EMP3: variants seen among roughly 807,000 people sequenced by gnomAD.
EMP3 encodes the protein epithelial membrane protein 3.
A neutral mutation model predicts 21.6 loss-of-function variants in EMP3; 15 were observed. That is an observed-to-expected ratio of 0.69 (90% CI 0.46 to 1.07). The LOEUF (loss-of-function observed/expected upper bound fraction) is 1.07, where lower values mean the gene tolerates loss of function less well. EMP3 is among the 50% of genes least tolerant of loss of function. The probability of loss-of-function intolerance (pLI) is 0.00; values close to 1 mark genes in which losing one functional copy is unlikely to be tolerated. For synonymous variants in EMP3, 107 were observed against 86.1 expected, an observed-to-expected ratio of 1.24 and a Z score of -1.34; for missense variants, 183 against 206.6, an observed-to-expected ratio of 0.89 and a Z score of 0.70.
chr19:48,330,226 CT>C, intron 4 of EMP3, 74 bp from the exon 5 acceptor site: 1 of 1,470,300 alleles, frequency 6.8e-7, no homozygotes, highest in Non-Finnish European at 9.0e-7. Context: ...TCCGGCGCTT[CT>C]TTGCCCCCAT....
Position 48,329,433 on chromosome 19 carries a change from T to C in EMP3, c.263T>C (p.Leu88Pro). The C allele has an allele frequency of 6.2e-7, 1 of 1,614,148 alleles. No homozygotes were observed. Among genetic ancestry groups the C allele is most frequent in the South Asian group, 1.1e-5 (1 of 91,080 alleles). The change falls in exon 4 of 5, where the codon CTC (leucine) becomes CCC (proline). Residue 88 changes from leucine (L) to proline (P), a missense_variant. By Grantham distance (98) the Leu-to-Pro change is moderately conservative (BLOSUM62 -3). Transcript: ENST00000270221. This position sits in a 1 kb window ranked among gnomAD's most constrained non-coding sequence, Gnocchi z 4.5. ...TCCTTCATCCTGTTCATGTTCCAGC[T>C]CTACACCATGCGACGAGGAGGTCTC... ...CLSFILFMFQ[L>P]YTMRRGGLFY...
chr19:48,327,584 G>C lies in EMP3; in HGVS notation c.142G>C (p.Asp48His). 6.2e-7 allele frequency: 1 copy of C among 1,613,934 alleles called. No homozygotes were observed. The highest frequency in any genetic ancestry group is 1.3e-5 in the African/African-American group (1 of 75,026). ...CTGGTACGACTGCACGTGGAACAACGACACCAAAACATGGGCCTGCAGTAA... is the reference window on the plus strand; with the variant it reads ...CTGGTACGACTGCACGTGGAACAACCACACCAAAACATGGGCCTGCAGTAA... Reference protein sequence around the residue: ...NLWYDCTWNNDTKTWACSNVS... With the variant: ...NLWYDCTWNNHTKTWACSNVS... The change falls in exon 3 of 5, where the codon GAC becomes CAC. Residue 48 changes from aspartate (D) to histidine (H), a missense_variant. Transcript: ENST00000270221.
chr19:48,327,440 C>A, intron 2 of EMP3, 81 bp from the exon 3 acceptor site: 1 of 1,041,596 alleles, frequency 9.6e-7, no homozygotes, highest in South Asian at 1.4e-5. Flanking sequence ...GCCCTTTTCC[C>A]AGCCCTTCCC....
At position 48,330,465 on chromosome 19, in the gene EMP3, G is replaced by T; in HGVS notation, c.487G>T (p.Glu163Ter). ...CATCTACATCCACCTACGGAAGCGG[G>T]AGTGAGCGCCCCGCCTCGCTCGGCT... ...GIIYIHLRKR[E>*] Residue 163 changes from glutamate to a stop codon, truncating the protein, a stop_gained, in exon 5 of 5, where the codon GAG becomes TAG. Transcript: ENST00000270221. LOFTEE classifies it high-confidence loss of function. 6.3e-7 allele frequency: 1 copy of T among 1,579,440 alleles called. No homozygotes were observed. The highest frequency in any genetic ancestry group is 8.6e-7 in the Non-Finnish European group (1 of 1,166,676).
At chr19:48,327,872 A>G (rs916086076) in intron 3 of EMP3, 2 of 461,466 alleles carry the variant, frequency 4.3e-6, no homozygotes, top group Admixed American at 3.6e-5. Context: ...CAGTGGCGCA[A>G]TCTTGGCTCA....
In EMP3 at chr19:48,327,629, G is replaced by T; in HGVS notation, c.181+6G>T. ...CAGTAATGTCAGCGAGAATGGTGAG[G>T]GGTGAGGGCGGCGGGACTGGTCTTC... On this transcript the variant is annotated splice_donor_region_variant and intron_variant, in intron 3 of 4. Transcript: ENST00000270221. The T allele has an allele frequency of 6.2e-7, 1 of 1,612,828 alleles. No homozygotes were observed. Among genetic ancestry groups the T allele is most frequent in the Non-Finnish European group, 8.5e-7 (1 of 1,179,316 alleles).
intron 4 of EMP3, 27 bp from the exon 5 acceptor site, chr19:48,330,274 A>G (rs2147346902): frequency 6.4e-7 from 1 of 1,555,506 alleles, no homozygotes. Context: ...GGGGCACTGC[A>G]TGACGTGTGG....
At position 48,330,163 on chromosome 19, in the gene EMP3, C is replaced by CG. The variant is rs138520439; in HGVS notation, c.323-131dup. 7.2e-3 allele frequency: 9,143 copies of CG among 1,261,172 alleles called. 327 individuals are homozygous for CG. In the African/African-American group the frequency reaches 0.1, roughly 14 times the overall value. The allele number at this position is 1,261,172 out of a possible 1,614,324, so 78.1% of individuals were successfully genotyped here. A position where few individuals can be genotyped will look rare whatever the true frequency, so the allele number is the denominator to read the frequency against. ...CGCGCTACAGTTGCACGGCGCTGGG[C>CG]GGGGGGGAAAGAACCACAACTCCCA... On this transcript the variant is annotated intron_variant, in intron 4 of 4. Transcript: ENST00000270221.
At chr19:48,327,024 C>G (rs1298720857) in intron 2 of EMP3, 102 bp downstream of exon 2, 1 of 1,013,404 alleles carries the variant, frequency 9.9e-7, no homozygotes, top group African/African-American at 1.6e-5. Flanking sequence ...CCTAGTATTT[C>G]TTTTTTATTT....
intron 4 of EMP3, 24 bp from the exon 5 acceptor site, chr19:48,330,277 A>C: frequency 6.4e-7 from 1 of 1,562,274 alleles, no homozygotes; most frequent in African/African-American, 1.4e-5. Context: ...GCACTGCATG[A>C]CGTGTGGTTT....
At position 48,329,416 on chromosome 19, in the gene EMP3, C is replaced by T. The variant is rs780925156; in HGVS notation, c.246C>T (p.Ile82=). ...LSLILCCLSF[I]LFMFQLYTMR... is the part of the protein sequence containing the mutation. ...TCATTCTCTGCTGTCTCTCCTTCAT[C>T]CTGTTCATGTTCCAGCTCTACACCA... The change falls in exon 4 of 5, where the codon ATC becomes ATT. Residue 82 remains isoleucine (I), a synonymous_variant. Transcript: ENST00000270221. The surrounding 1 kb of genome is among the most constrained non-coding windows in gnomAD (Gnocchi z 4.5). 4.3e-6 allele frequency: 7 copies of T among 1,612,968 alleles called. No homozygotes were observed. The highest frequency in any genetic ancestry group is 1.7e-5 in the Admixed American group (1 of 59,914).
rs900787097 is a variant in EMP3 at position 48,330,344 on chromosome 19, C to T, written c.366C>T (p.Ala122=). Residue 122 remains alanine, a synonymous_variant, in exon 5 of 5, where the codon GCC becomes GCT. Coordinates refer to ENST00000270221, the MANE Select transcript of EMP3 (RefSeq NM_001425.3). ...FTGALIYAIH[A]EEILEKHPRG... ...GCGCCTTGATCTATGCCATTCACGC[C>T]GAGGAGATCCTGGAGAAGCACCCGC... The T allele has an allele frequency of 6.2e-7, 1 of 1,606,128 alleles. No individual in the cohort carries two copies. Among genetic ancestry groups the T allele is most frequent in the Non-Finnish European group, 8.5e-7 (1 of 1,176,720 alleles).
intron 1 of EMP3, among the ~76,000 whole-genome samples, chr19:48,326,563 T>C (rs1029183353): frequency 3.3e-5 from 5 of 151,402 alleles, no homozygotes; most frequent in African/African-American, 1.2e-4. Flanking sequence ...TGATCTTGGC[T>C]CATTGCAACC....
At chr19:48,328,181 G>T (rs1040221249) in intron 3 of EMP3, among the ~76,000 whole-genome samples, 3 of 152,010 alleles carry the variant, frequency 2.0e-5, no homozygotes, top group African/African-American at 7.2e-5. Context: ...GGAGGCCAAG[G>T]CGGGTAGATC....
At position 48,330,533 on chromosome 19, in the gene EMP3, A is replaced by C; in HGVS notation, c.*63A>C. On this transcript the variant is annotated 3_prime_UTR_variant, in exon 5 of 5. Coordinates refer to ENST00000270221, the MANE Select transcript of EMP3 (RefSeq NM_001425.3). ...GCCCCCCTCGCCGCGCGTCCTCCAA[A>C]AAATAAAACCTTAACCGCGGGCTCT... The C allele has an allele frequency of 6.9e-7, 1 of 1,446,014 alleles. No homozygotes were observed. Among genetic ancestry groups the C allele is most frequent in the Non-Finnish European group, 9.2e-7 (1 of 1,085,008 alleles). 89.6% of individuals were successfully genotyped at this position (1,446,014 alleles called of 1,614,324 possible).
chr19:48,327,258 C>G (rs773293122), intron 2 of EMP3, among the ~76,000 whole-genome samples: 3 of 152,110 alleles, frequency 2.0e-5, no homozygotes, highest in African/African-American at 4.8e-5. Context: ...TCTCGAACCC[C>G]TGGCCTCAAG....
chr19:48,329,221 A>G lies in EMP3; in HGVS notation c.182-131A>G. The stretch of plus-strand genomic sequence containing the variant: ...CAAGGTCAAAATAAGTGATACATCT[A>G]AGTATCTAGGCTTGTATGGGCCTAA... On this transcript the variant is annotated intron_variant, in intron 3 of 4. Transcript: ENST00000270221. This position sits in a 1 kb window ranked among gnomAD's most constrained non-coding sequence, Gnocchi z 4.5. The G allele has an allele frequency of 9.2e-7, 1 of 1,081,336 alleles. No homozygotes were observed. Among genetic ancestry groups the G allele is most frequent in the South Asian group, 1.6e-5 (1 of 61,964 alleles). 67.0% of individuals were successfully genotyped at this position (1,081,336 alleles called of 1,614,324 possible). A position where few individuals can be genotyped will look rare whatever the true frequency, so the allele number is the denominator to read the frequency against.
chr19:48,329,450 G>A lies in EMP3; in HGVS notation c.280G>A (p.Gly94Arg), dbSNP rs775701122. The change falls in exon 4 of 5, where the codon GGA becomes AGA. Residue 94 changes from glycine (G) to arginine (R), a missense_variant. Transcript: ENST00000270221. The surrounding 1 kb of genome is among the most constrained non-coding windows in gnomAD (Gnocchi z 4.5). ...FMFQLYTMRR[G>R]GLFYATGLCQ... Reference sequence around the variant, plus strand: ...GTTCCAGCTCTACACCATGCGACGAGGAGGTCTCTTCTATGCCACCGGCCT... The same window carrying A: ...GTTCCAGCTCTACACCATGCGACGAAGAGGTCTCTTCTATGCCACCGGCCT... The A allele has an allele frequency of 6.2e-7, 1 of 1,614,126 alleles. No homozygotes were observed. The highest frequency in any genetic ancestry group is 1.1e-5 in the South Asian group (1 of 91,084).
In EMP3 at chr19:48,330,327, A is replaced by G; in HGVS notation, c.349A>G (p.Ile117Val). Residue 117 changes from isoleucine to valine, a missense_variant, in exon 5 of 5, where the codon ATC becomes GTC. Transcript: ENST00000270221. ...CGTGGCGGTGTTTACTGGCGCCTTG[A>G]TCTATGCCATTCACGCCGAGGAGAT... ...TSVAVFTGAL[I>V]YAIHAEEILE... is the part of the protein sequence containing the mutation. The G allele has an allele frequency of 2.5e-6, 4 of 1,602,130 alleles. No individual in the cohort carries two copies. Among genetic ancestry groups the G allele is most frequent in the South Asian group, 2.2e-5 (2 of 90,054 alleles).
Sources: gnomAD v4.1 joint callset for allele counts (sites outside exome capture counted in the v4.1 genomes callset) on GRCh38, gnomAD v4.1.1 for gene constraint, Gnocchi (gnomAD v3.1) non-coding constraint, MANE v1.5 for transcripts, NCBI Gene and HGNC (gene_info 2026-07-23, HGNC 2026-07-21) for gene names.